Variants in RBFOX1 observed in about 807,000 individuals in gnomAD.
RBFOX1 encodes RNA binding protein fox-1 homolog 1.
In RBFOX1, 8 loss-of-function variants were observed where a neutral mutation model predicts 57.7. The ratio of observed to expected loss-of-function variants is 0.14; its 90% CI spans 0.08 to 0.25. RBFOX1 has a LOEUF of 0.25. Ranked by LOEUF, RBFOX1 falls within the 10% of genes least tolerant of loss-of-function variation. The probability of loss-of-function intolerance (pLI) is 1.00; values close to 1 mark genes in which losing one functional copy is unlikely to be tolerated. For synonymous variants in RBFOX1, 326 were observed against 222.4 expected (o/e 1.47, Z -4.15); for missense variants, 611 against 548.5 (o/e 1.11, Z -1.14).
intron 5 of RBFOX1, among the ~76,000 whole-genome samples, chr16:7,557,487 G>C (rs1015867525): frequency 6.6e-6 from 1 of 151,594 alleles, no homozygotes; most frequent in African/African-American, 2.4e-5. Flanking sequence ...AGGCATGGTG[G>C]TGGGTGCCTG....
chr16:5,929,005 T>G (rs1236174401), intron 4 of RBFOX1, among the ~76,000 whole-genome samples: 1 of 148,010 alleles, frequency 6.8e-6, no homozygotes, highest in African/African-American at 2.5e-5. Flanking sequence ...AAGGCCACTT[T>G]CAAAGTGTTT....
intron 3 of RBFOX1, among the ~76,000 whole-genome samples, chr16:6,713,335 C>G (rs1603451182): frequency 6.6e-6 from 1 of 152,082 alleles, no homozygotes; most frequent in African/African-American, 2.4e-5. Flanking sequence ...TCACGGGAGT[C>G]TTGATGACCA....
chr16:6,353,318 A>T (rs1457008255), intron 2 of RBFOX1, among the ~76,000 whole-genome samples: 1 of 151,792 alleles, frequency 6.6e-6, no homozygotes, highest in Non-Finnish European at 1.5e-5. Flanking sequence ...GCTCTATGAG[A>T]GATTTCCATT....
At chr16:5,678,870 AC>A (rs2050246394) in intron 3 of RBFOX1, among the ~76,000 whole-genome samples, 1 of 152,160 alleles carries the variant, frequency 6.6e-6, no homozygotes, top group African/African-American at 2.4e-5. Flanking sequence ...TTATTTGTAG[AC>A]CCAGCTCATG....
intron 3 of RBFOX1, among the ~76,000 whole-genome samples, chr16:6,694,242 C>A (rs1316408412): frequency 1.3e-5 from 2 of 152,140 alleles, no homozygotes; most frequent in Non-Finnish European, 2.9e-5. Flanking sequence ...GTGCGATTCT[C>A]CAATTTTGTT....
intron 1 of RBFOX1, among the ~76,000 whole-genome samples, chr16:5,364,782 G>C (rs560448797): frequency 6.6e-6 from 1 of 150,970 alleles, no homozygotes; most frequent in Non-Finnish European, 1.5e-5. Flanking sequence ...TGAGGCAGGT[G>C]CTGCTTTAAA....
At chr16:6,255,776 C>G (rs1034903190) in intron 1 of RBFOX1, among the ~76,000 whole-genome samples, 3 of 152,110 alleles carry the variant, frequency 2.0e-5, no homozygotes, top group East Asian at 1.9e-4. Flanking sequence ...GTCGTTCTCA[C>G]CAACTAACAC....
chr16:5,860,313 G>A (rs2057180541), intron 3 of RBFOX1, among the ~76,000 whole-genome samples: 2 of 152,226 alleles, frequency 1.3e-5, no homozygotes, highest in Non-Finnish European at 2.9e-5. Flanking sequence ...GAGACCTCGT[G>A]ATCCACCCGC....
intron 2 of RBFOX1, among the ~76,000 whole-genome samples, chr16:6,568,830 G>A (rs368167922): frequency 2.5e-4 from 38 of 152,104 alleles, no homozygotes; most frequent in African/African-American, 7.2e-4. Context: ...GTGCAGTGGC[G>A]CGATCTCGGC....
chr16:5,244,669 G>A (rs1410298202), intron 1 of RBFOX1, among the ~76,000 whole-genome samples: 1 of 152,234 alleles, frequency 6.6e-6, no homozygotes, highest in Non-Finnish European at 1.5e-5. Flanking sequence ...GTCTGCTGTG[G>A]CGCTCTTGTA....
chr16:5,946,862 A>G lies in RBFOX1; in HGVS notation c.351+79527A>G, dbSNP rs2059410056. On this transcript the variant is annotated intron_variant, in intron 4 of 19. Coordinates refer to the RBFOX1 transcript ENST00000641259. The surrounding 1 kb of genome is among the most constrained non-coding windows in gnomAD (Gnocchi z 4.6). ...GGAGCATTGCTTGGTGTGAAATAAA[A>G]CCCAACACATATGAGTGTAGAGGTA... Among the ~76,000 whole-genome samples the G allele has an allele frequency of 6.6e-6, 1 of 152,124 alleles. No homozygotes were observed. The highest frequency in any genetic ancestry group is 2.1e-4 in the South Asian group (1 of 4,828).
intron 4 of RBFOX1, among the ~76,000 whole-genome samples, chr16:5,945,331 G>C (rs142150869): frequency 9.2e-5 from 14 of 152,204 alleles, no homozygotes; most frequent in Non-Finnish European, 1.6e-4. Flanking sequence ...GGAACAAGGG[G>C]TGAGTTACAA....
chr16:6,087,182 C>T (rs1019587199), intron 1 of RBFOX1, among the ~76,000 whole-genome samples: 1 of 152,172 alleles, frequency 6.6e-6, no homozygotes, highest in Non-Finnish European at 1.5e-5. Flanking sequence ...GGTATTATGA[C>T]GTTAGAACGC....
intron 3 of RBFOX1, among the ~76,000 whole-genome samples, chr16:6,872,333 C>T (rs2061070113): frequency 6.6e-6 from 1 of 152,104 alleles, no homozygotes; most frequent in South Asian, 2.1e-4. Flanking sequence ...TTCCTTCCTC[C>T]CTTCTCTCTG....
intron 3 of RBFOX1, among the ~76,000 whole-genome samples, chr16:5,662,635 A>C (rs1712256635): frequency 6.6e-6 from 1 of 152,220 alleles, no homozygotes; most frequent in South Asian, 2.1e-4. Flanking sequence ...TTTCTTTAAA[A>C]ATGTGTTAGT....
chr16:5,980,485 G>T (rs760749915), intron 4 of RBFOX1, among the ~76,000 whole-genome samples: 5 of 152,144 alleles, frequency 3.3e-5, no homozygotes, highest in Non-Finnish European at 7.3e-5. Context: ...CAGCAGACCT[G>T]AGAGCTGTTC....
At chr16:7,538,381 T>C (rs1443708617) in intron 5 of RBFOX1, among the ~76,000 whole-genome samples, 1 of 152,188 alleles carries the variant, frequency 6.6e-6, no homozygotes, top group Admixed American at 6.5e-5. Context: ...CTGTTATTAC[T>C]GCCACAACTA....
intron 1 of RBFOX1, among the ~76,000 whole-genome samples, chr16:5,293,148 C>G (rs1446390696): frequency 6.6e-6 from 1 of 151,876 alleles, no homozygotes; most frequent in Non-Finnish European, 1.5e-5. Context: ...TGACGAGACC[C>G]TATTTCTACT....
intron 1 of RBFOX1, among the ~76,000 whole-genome samples, chr16:6,271,013 A>G (rs747290669): frequency 6.6e-6 from 1 of 152,256 alleles, no homozygotes; most frequent in Non-Finnish European, 1.5e-5. Flanking sequence ...GTGGAAATAC[A>G]TCACAATTTG....
Sources: gnomAD v4.1 joint callset for allele counts (sites outside exome capture counted in the v4.1 genomes callset) on GRCh38, gnomAD v4.1.1 for gene constraint, Gnocchi (gnomAD v3.1) non-coding constraint, MANE v1.5 for transcripts, NCBI Gene and HGNC (gene_info 2026-07-23, HGNC 2026-07-21) for gene names.